The following MTURN variants were observed in gnomAD, a reference collection of about 807,000 sequenced individuals.
MTURN encodes maturin, neural progenitor differentiation regulator homolog, also known as maturin.
Under a neutral mutation model 14.9 loss-of-function variants are expected in MTURN, and 7 were observed. The ratio of observed to expected loss-of-function variants is 0.47; its 90% CI spans 0.27 to 0.88. The LOEUF is 0.88. Ranked by LOEUF, MTURN falls within the 40% of genes least tolerant of loss-of-function variation. MTURN has a pLI of 0.14. For missense variants in MTURN, 151 were observed against 174.1 expected, an observed-to-expected ratio of 0.87 and a Z score of 0.75; for synonymous variants, 69 against 72.5, an observed-to-expected ratio of 0.95 and a Z score of 0.25.
chr7:30,162,518 A>G lies in MTURN; in HGVS notation c.*4970A>G, dbSNP rs1797390797. 1.3e-5 allele frequency: 2 copies of G among 150,528 alleles called. No homozygotes were observed. The highest frequency in any genetic ancestry group is 2.5e-5 in the African/African-American group (1 of 40,796). 9.3% of individuals were successfully genotyped at this position (150,528 alleles called of 1,614,324 possible). On this transcript the variant is annotated 3_prime_UTR_variant, in exon 3 of 3. Transcript: ENST00000324453. ...TGTTTTTTTTTTTTTTTAGGCAAGAAGTGTTGCCGGTAGGGTATGTGTGCT... is the reference window on the plus strand; with the variant it reads ...TGTTTTTTTTTTTTTTTAGGCAAGAGGTGTTGCCGGTAGGGTATGTGTGCT...
chr7:30,149,556 A>G (rs1164332457), intron 2 of MTURN, among the ~76,000 whole-genome samples: 1 of 152,210 alleles, frequency 6.6e-6, no homozygotes, highest in East Asian at 1.9e-4. Context: ...ATAAAGGACC[A>G]CAGAGATCCC....
intron 1 of MTURN, among the ~76,000 whole-genome samples, chr7:30,144,928 CTTTTTTTTTTT>C (rs11411711): frequency 1.2e-3 from 87 of 73,976 alleles, no homozygotes; most frequent in African/African-American, 4.2e-3. Context: ...GACCTCAATA[CTTTTTTTTTTT>C]TTTTTTTTTT....
At chr7:30,145,926 A>G (rs372551739) in intron 1 of MTURN, 12 of 1,551,626 alleles carry the variant, frequency 7.7e-6, no homozygotes, top group Middle Eastern at 1.7e-4. Flanking sequence ...TTTACTGTGT[A>G]GGAGCAGATC....
Position 30,161,184 on chromosome 7 carries a change from A to C in MTURN, c.*3636A>C, listed in dbSNP as rs1797368932. ...ATTCACAAGTTGGGAAACTGGTATG[A>C]ACAGATCTGATTTCTTACAGAGAGG... On this transcript the variant is annotated 3_prime_UTR_variant, in exon 3 of 3. Transcript: ENST00000324453. 6.6e-6 allele frequency: 1 copy of C among 152,634 alleles called. No individual in the cohort carries two copies. Among genetic ancestry groups the C allele is most frequent in the South Asian group, 2.1e-4 (1 of 4,832 alleles). 9.5% of individuals were successfully genotyped at this position (152,634 alleles called of 1,614,324 possible). A position where few individuals can be genotyped will look rare whatever the true frequency, so the allele number is the denominator to read the frequency against.
intron 1 of MTURN, among the ~76,000 whole-genome samples, chr7:30,138,785 A>T (rs1797004763): frequency 1.3e-5 from 2 of 152,080 alleles, no homozygotes; most frequent in Admixed American, 6.5e-5. Context: ...CCCTGGCCCC[A>T]AGCCCCCACA....
At chr7:30,137,310 T>C in intron 1 of MTURN, 1 of 237,384 alleles carries the variant, frequency 4.2e-6, no homozygotes. Context: ...CCACACAGCC[T>C]TCCTGCTGGG....
chr7:30,140,909 T>C (rs1371704411), intron 1 of MTURN: 1 of 152,212 alleles, frequency 6.6e-6, no homozygotes, highest in Non-Finnish European at 1.5e-5. Context: ...TTATTTTCTG[T>C]GACTTACAAA....
intron 2 of MTURN, among the ~76,000 whole-genome samples, chr7:30,147,222 T>A (rs905009626): frequency 6.6e-6 from 1 of 152,230 alleles, no homozygotes; most frequent in Non-Finnish European, 1.5e-5. Context: ...ACCTGGTATC[T>A]TGTTTCTCTG....
At chr7:30,143,627 C>A (rs1797087276) in intron 1 of MTURN, among the ~76,000 whole-genome samples, 1 of 152,108 alleles carries the variant, frequency 6.6e-6, no homozygotes, top group African/African-American at 2.4e-5. Flanking sequence ...ACCCCAAAAC[C>A]TAACAGAACT....
chr7:30,146,464 G>A (rs996604409), intron 2 of MTURN, among the ~76,000 whole-genome samples, 165 bp downstream of exon 2: 4 of 152,298 alleles, frequency 2.6e-5, no homozygotes, highest in Non-Finnish European at 5.9e-5. Context: ...GGCCGAGGGC[G>A]GGAGGAGGGG....
At chr7:30,149,055 C>T (rs1259151782) in intron 2 of MTURN, among the ~76,000 whole-genome samples, 2 of 152,076 alleles carry the variant, frequency 1.3e-5, no homozygotes, top group South Asian at 2.1e-4. Context: ...AACTGGCTCA[C>T]CTGGGAAGGG....
chr7:30,135,101 GGGCGGGCGGCGGCGGGA>G lies in MTURN; in HGVS notation c.-27_-11del. 4 of 1,399,670 alleles carry G rather than the reference GGGCGGGCGGCGGCGGGA, an allele frequency of 2.9e-6. No homozygotes were observed. The highest frequency in any genetic ancestry group is 7.2e-5 in the East Asian group (2 of 27,736). 86.7% of individuals were successfully genotyped at this position (1,399,670 alleles called of 1,614,324 possible). A position where few individuals can be genotyped will look rare whatever the true frequency, so the allele number is the denominator to read the frequency against. On this transcript the variant is annotated 5_prime_UTR_variant, in exon 1 of 3. Coordinates refer to ENST00000324453, the MANE Select transcript of MTURN (RefSeq NM_152793.3). ...GGGAGGAGGGCGCCTAGGAGCGGGA[GGGCGGGCGGCGGCGGGA>G]GGCGGGCGCGGGGCCGCGATGGATT...
At chr7:30,138,119 T>G (rs1381675004) in intron 1 of MTURN, among the ~76,000 whole-genome samples, 1 of 152,112 alleles carries the variant, frequency 6.6e-6, no homozygotes, top group Non-Finnish European at 1.5e-5. Context: ...ATACTTTTTT[T>G]TTCTTTTTCT....
intron 1 of MTURN, among the ~76,000 whole-genome samples, chr7:30,142,016 A>AT (rs1797059670): frequency 1.3e-5 from 2 of 152,310 alleles, no homozygotes; most frequent in Non-Finnish European, 2.9e-5. Context: ...GTCCAGCTGC[A>AT]TACCCACCAG....
Position 30,146,289 on chromosome 7 carries a change from C to A in MTURN, c.275C>A (p.Ser92Tyr), listed in dbSNP as rs1408589670. ...LHEVLEKVFK[S>Y]FRPLLGLPDA... Reference sequence around the variant, plus strand: ...GAAGTCCTGGAAAAAGTCTTCAAGTCTTTCAGACCTGTAGGTGCCTGCTTG... The same window carrying A: ...GAAGTCCTGGAAAAAGTCTTCAAGTATTTCAGACCTGTAGGTGCCTGCTTG... The change falls in exon 2 of 3, where the codon TCT becomes TAT. Residue 92 changes from serine (S) to tyrosine (Y), a missense_variant. Transcript: ENST00000324453. 3 of 1,613,908 alleles carry A rather than the reference C, an allele frequency of 1.9e-6. No individual in the cohort carries two copies. Among genetic ancestry groups the A allele is most frequent in the Non-Finnish European group, 2.5e-6 (3 of 1,180,046 alleles).
chr7:30,135,946 A>C (rs1796947697), intron 1 of MTURN, among the ~76,000 whole-genome samples: 1 of 151,996 alleles, frequency 6.6e-6, no homozygotes, highest in African/African-American at 2.4e-5. Context: ...CTTAATACGC[A>C]CGCGCGCCTG....
rs370761009 is a variant in MTURN, at chr7:30,144,567, C to T, written c.163-1610C>T. Among the ~76,000 whole-genome samples, 53 of 152,304 alleles carry T rather than the reference C, an allele frequency of 3.5e-4. 1 individual carries two copies. The South Asian group carries it at 8.7e-3, about 25-fold the overall frequency. On this transcript the variant is annotated intron_variant, in intron 1 of 2. Transcript: ENST00000324453. ...AGCTGTTCGCTAAAGCTAGAGAGCCCAGACGTTGTCTTTATTGGGTTGGGG... is the reference window on the plus strand; with the variant it reads ...AGCTGTTCGCTAAAGCTAGAGAGCCTAGACGTTGTCTTTATTGGGTTGGGG...
chr7:30,140,362 CTG>C (rs1003694483), intron 1 of MTURN, among the ~76,000 whole-genome samples: 3 of 133,736 alleles, frequency 2.2e-5, no homozygotes, highest in African/African-American at 8.1e-5. Context: ...TATGGCAGGA[CTG>C]TGATTTAATT....
chr7:30,146,345 A>G (rs779374440), intron 2 of MTURN, 46 bp downstream of exon 2: 93 of 1,609,070 alleles, frequency 5.8e-5, no homozygotes, highest in Non-Finnish European at 6.5e-5. Flanking sequence ...TTCTATGGTG[A>G]TTGTGTTTAG....
Sources: allele counts gnomAD v4.1 joint callset (sites outside exome capture counted in the v4.1 genomes callset), GRCh38; gene constraint gnomAD v4.1.1; transcripts MANE v1.5; gene names NCBI Gene and HGNC (gene_info 2026-07-23, HGNC 2026-07-21).